The following SAMMSON variants were observed in gnomAD, a reference collection of about 807,000 sequenced individuals.
The protein encoded by SAMMSON is survival associated mitochondrial melanoma specific oncogenic non-coding RNA.
At chr3:70,236,627 A>T (rs1701611822) in intron 4 of SAMMSON, among the ~76,000 whole-genome samples, 2 of 152,008 alleles carry the variant, frequency 1.3e-5, no homozygotes, top group African/African-American at 4.8e-5. Context: ...ACAGGGTCTC[A>T]CTCTGTCACC....
At chr3:70,388,170 T>C (rs905008603) in intron 9 of SAMMSON, among the ~76,000 whole-genome samples, 2 of 152,148 alleles carry the variant, frequency 1.3e-5, no homozygotes, top group African/African-American at 4.8e-5. Context: ...TTCACATTTT[T>C]GTGGTAAAGC....
chr3:70,131,984 C>A (rs1166371175), intron 4 of SAMMSON, among the ~76,000 whole-genome samples: 1 of 152,078 alleles, frequency 6.6e-6, no homozygotes, highest in East Asian at 1.9e-4. Flanking sequence ...CCAAGCTTCC[C>A]AAATGACTGA....
intron 4 of SAMMSON, among the ~76,000 whole-genome samples, chr3:70,104,032 C>A (rs963785663): frequency 7.0e-6 from 1 of 143,466 alleles, no homozygotes; most frequent in Admixed American, 7.2e-5. Flanking sequence ...TTTCTAGAAA[C>A]GTAGAATTGG....
chr3:70,415,521 T>C (rs1004535302), intron 2 of SAMMSON, among the ~76,000 whole-genome samples: 1 of 152,116 alleles, frequency 6.6e-6, no homozygotes, highest in Non-Finnish European at 1.5e-5. Context: ...GCTATTGTTA[T>C]AAGACTGGAT....
intron 4 of SAMMSON, among the ~76,000 whole-genome samples, chr3:70,236,047 C>T (rs1543235): frequency 0.25 from 37,645 of 152,096 alleles, 5,327 homozygotes; most frequent in East Asian, 0.67. Context: ...CATTCTACTT[C>T]TCTTAATGAA....
chr3:70,217,838 G>T (rs552071639), intron 4 of SAMMSON, among the ~76,000 whole-genome samples: 1 of 152,132 alleles, frequency 6.6e-6, no homozygotes, highest in Non-Finnish European at 1.5e-5. Context: ...GGGCTTGGGG[G>T]TGACATACTG....
At chr3:70,021,816 A>G (rs1373390114) in intron 3 of SAMMSON, among the ~76,000 whole-genome samples, 1 of 152,178 alleles carries the variant, frequency 6.6e-6, no homozygotes, top group Non-Finnish European at 1.5e-5. Flanking sequence ...GGAAGCAAAA[A>G]TCTTGACTTA....
At position 70,109,392 on chromosome 3, in the gene SAMMSON, C is replaced by G. The variant is rs115709674; in HGVS notation, n.507+37827C>G. Among the ~76,000 whole-genome samples, 657 of 152,236 alleles carry G rather than the reference C, an allele frequency of 4.3e-3. 3 individuals carry two copies. The highest frequency in any genetic ancestry group is 6.6e-3 in the Non-Finnish European group (451 of 68,006). ...GCCCACTTCCATCCCGGCTACAATT[C>G]CTCCGGCTACAATTCCTTGAGTTCT... On this transcript the variant is annotated intron_variant and non_coding_transcript_variant, in intron 4 of 9. Transcript: ENST00000642114.
chr3:70,285,115 G>C (rs1345117254), intron 6 of SAMMSON, among the ~76,000 whole-genome samples: 1 of 150,214 alleles, frequency 6.7e-6, no homozygotes, highest in Admixed American at 6.6e-5. Flanking sequence ...GTGCAGGTTA[G>C]TTACATATGT....
chr3:70,212,397 A>G (rs894124520), intron 4 of SAMMSON, among the ~76,000 whole-genome samples: 1 of 152,138 alleles, frequency 6.6e-6, no homozygotes, highest in Non-Finnish European at 1.5e-5. Context: ...TGGAGAATTC[A>G]CAGTTCAATT....
chr3:70,378,060 C>T (rs1703036208), intron 9 of SAMMSON, among the ~76,000 whole-genome samples: 1 of 151,684 alleles, frequency 6.6e-6, no homozygotes, highest in Admixed American at 6.6e-5. Context: ...AAAGTACATC[C>T]CTTCTTTCCC....
chr3:70,362,879 A>C (rs1702884129), intron 9 of SAMMSON, among the ~76,000 whole-genome samples: 1 of 149,816 alleles, frequency 6.7e-6, no homozygotes, highest in Non-Finnish European at 1.5e-5. Flanking sequence ...TGACTCTCAG[A>C]GTATAGAAAA....
intron 6 of SAMMSON, among the ~76,000 whole-genome samples, chr3:70,252,874 G>T (rs1701782257): frequency 6.6e-6 from 1 of 152,080 alleles, no homozygotes; most frequent in African/African-American, 2.4e-5. Flanking sequence ...GAGGTCAGGA[G>T]TTCGAGACCA....
At chr3:70,058,655 A>G (rs1229227309) in intron 3 of SAMMSON, among the ~76,000 whole-genome samples, 1 of 152,064 alleles carries the variant, frequency 6.6e-6, no homozygotes, top group Admixed American at 6.6e-5. Context: ...CAGTTATAAA[A>G]TGGGTCAGCC....
chr3:70,004,074 A>C (rs889510074), intron 1 of SAMMSON, among the ~76,000 whole-genome samples: 3 of 152,154 alleles, frequency 2.0e-5, no homozygotes, highest in African/African-American at 7.2e-5. Context: ...AATTTTTCAT[A>C]TAACTGGGGT....
intron 2 of SAMMSON, among the ~76,000 whole-genome samples, chr3:70,013,298 A>T (rs1032449256): frequency 4.6e-5 from 7 of 152,140 alleles, no homozygotes; most frequent in Non-Finnish European, 7.3e-5. Flanking sequence ...AAAAATATGA[A>T]CTAGAAGCAA....
chr3:70,141,901 A>C (rs2067529196), intron 4 of SAMMSON, among the ~76,000 whole-genome samples: 1 of 152,132 alleles, frequency 6.6e-6, no homozygotes, highest in Non-Finnish European at 1.5e-5. Flanking sequence ...TTCATTTGTT[A>C]ATCTATTAAA....
At chr3:70,216,356 T>A (rs1701412528) in intron 4 of SAMMSON, among the ~76,000 whole-genome samples, 1 of 151,378 alleles carries the variant, frequency 6.6e-6, no homozygotes. Flanking sequence ...GCTTCCTAGA[T>A]GTCATTCATT....
downstream of SAMMSON, among the ~76,000 whole-genome samples, chr3:70,391,480 A>C (rs1028464134): frequency 6.6e-6 from 1 of 151,960 alleles, no homozygotes; most frequent in Non-Finnish European, 1.5e-5. Flanking sequence ...TAATATTTTT[A>C]TATGGTCTCT....
Sources: allele counts gnomAD v4.1 joint callset (sites outside exome capture counted in the v4.1 genomes callset), GRCh38; gene constraint gnomAD v4.1.1; transcripts MANE v1.5; gene names NCBI Gene and HGNC (gene_info 2026-07-23, HGNC 2026-07-21).